FHIP1A: variants seen among roughly 807,000 people sequenced by gnomAD.
FHIP1A encodes the protein FHF complex subunit HOOK-interacting protein 1A.
A neutral mutation model predicts 88.6 loss-of-function variants in FHIP1A; 61 were observed. That is an observed-to-expected ratio of 0.69 (90% CI 0.56 to 0.85). FHIP1A has a LOEUF of 0.85. Ranked by LOEUF, FHIP1A falls within the 40% of genes least tolerant of loss-of-function variation. FHIP1A has a pLI of 0.00. For synonymous variants in FHIP1A, 478 were observed against 496.0 expected (o/e 0.96, Z 0.48); for missense variants, 1,154 against 1,273.5 (o/e 0.91, Z 1.43).
intron 4 of FHIP1A, among the ~76,000 whole-genome samples, chr4:151,576,027 G>A (rs755486181): frequency 6.6e-6 from 1 of 152,144 alleles, no homozygotes; most frequent in African/African-American, 2.4e-5. Flanking sequence ...AAAAATTATC[G>A]TATGTGTATA....
At chr4:151,465,405 A>G (rs1188448935) in intron 2 of FHIP1A, among the ~76,000 whole-genome samples, 1 of 152,222 alleles carries the variant, frequency 6.6e-6, no homozygotes, top group East Asian at 1.9e-4. Context: ...AAAAAAGCCC[A>G]GGATCAGACA....
chr4:151,634,469 A>T (rs1209590016), intron 8 of FHIP1A, among the ~76,000 whole-genome samples: 1 of 151,830 alleles, frequency 6.6e-6, no homozygotes, highest in Non-Finnish European at 1.5e-5. Flanking sequence ...ATATTGAAAA[A>T]GAAGGAAAAA....
At chr4:151,450,323 T>C (rs1158906268) in intron 1 of FHIP1A, among the ~76,000 whole-genome samples, 2 of 152,198 alleles carry the variant, frequency 1.3e-5, no homozygotes, top group Non-Finnish European at 2.9e-5. Flanking sequence ...ACTGTAAAGC[T>C]GTTTCCATTT....
At position 151,536,760 on chromosome 4, in the gene FHIP1A, C is replaced by T. The variant is rs540241369; in HGVS notation, c.-122-29378C>T. Among the ~76,000 whole-genome samples the T allele has an allele frequency of 2.1e-3, 314 of 152,328 alleles. 1 individual carries two copies. Among genetic ancestry groups the T allele is most frequent in the Non-Finnish European group, 3.1e-3 (210 of 68,034 alleles). ...TTTTTGGCTCTTAGAAATAAAACTA[C>T]TATGAACATTTGTATACGGGTTTTT... On this transcript the variant is annotated intron_variant, in intron 3 of 13. Coordinates refer to ENST00000435205, the MANE Select transcript of FHIP1A (RefSeq NM_001109977.3).
intron 1 of FHIP1A, among the ~76,000 whole-genome samples, chr4:151,410,036 C>T (rs1223133839): frequency 6.6e-6 from 1 of 152,174 alleles, no homozygotes; most frequent in Non-Finnish European, 1.5e-5. Context: ...TTTGTGTTTC[C>T]TCTGGCTCAA....
intron 3 of FHIP1A, among the ~76,000 whole-genome samples, chr4:151,488,491 A>G (rs28501688): frequency 0.11 from 16,135 of 152,272 alleles, 1,545 homozygotes; most frequent in South Asian, 0.28. Flanking sequence ...TAATGGCTGC[A>G]TAATATTCCA....
At chr4:151,641,053 T>C (rs1014216253) in intron 9 of FHIP1A, among the ~76,000 whole-genome samples, 2 of 150,814 alleles carry the variant, frequency 1.3e-5, no homozygotes, top group Non-Finnish European at 3.0e-5. Context: ...AATGGAATAA[T>C]GGAAAAAAAA....
chr4:151,480,234 A>G (rs555998612), intron 2 of FHIP1A, among the ~76,000 whole-genome samples: 2 of 152,190 alleles, frequency 1.3e-5, no homozygotes, highest in South Asian at 4.2e-4. Flanking sequence ...TGGCGGGATC[A>G]TGATGGTAAA....
Position 151,662,958 on chromosome 4 carries a change from C to A in FHIP1A, c.*204C>A. The A allele has an allele frequency of 2.1e-6, 1 of 468,410 alleles. No individual in the cohort carries two copies. The highest frequency in any genetic ancestry group is 3.6e-6 in the Non-Finnish European group (1 of 278,254). The allele number at this position is 468,410 out of a possible 1,614,324, so 29.0% of individuals were successfully genotyped here. On this transcript the variant is annotated 3_prime_UTR_variant, in exon 14 of 14. Coordinates refer to ENST00000435205, the MANE Select transcript of FHIP1A (RefSeq NM_001109977.3). Reference sequence around the variant, plus strand: ...CTTATGTTATATATAGAATGTAAGTCTCATAAGCTGGTTGCTCCCTTGGCA... The same window carrying A: ...CTTATGTTATATATAGAATGTAAGTATCATAAGCTGGTTGCTCCCTTGGCA...
chr4:151,665,050 T>C lies in FHIP1A; in HGVS notation c.*2296T>C, dbSNP rs1166474160. ...AGTGGAGTGGTGTGATCACAGCTCA[T>C]TGTAGCCTCAACCTCCTGGGCTCAA... On this transcript the variant is annotated 3_prime_UTR_variant, in exon 14 of 14. Coordinates refer to ENST00000435205, the MANE Select transcript of FHIP1A (RefSeq NM_001109977.3). Among the ~76,000 whole-genome samples the C allele has an allele frequency of 6.6e-6, 1 of 152,192 alleles. No homozygotes were observed. The highest frequency in any genetic ancestry group is 1.5e-5 in the Non-Finnish European group (1 of 68,032).
chr4:151,649,612 T>G lies in FHIP1A; in HGVS notation c.1571T>G (p.Leu524Arg), dbSNP rs928466686. The G allele has an allele frequency of 2.6e-6, 4 of 1,551,574 alleles. No homozygotes were observed. Among genetic ancestry groups the G allele is most frequent in the Middle Eastern group, 1.7e-4 (1 of 6,014 alleles). ...CMRDCRVWSA[L>R]YDGDSPDPEM... ...AGGGACTGCCGTGTCTGGTCCGCCC[T>G]GTATGATGGCGACTCCCCCGACCCT... Residue 524 changes from leucine to arginine, a missense_variant, in exon 11 of 14, where the codon CTG (leucine) becomes CGG (arginine). Transcript: ENST00000435205.
rs1737558330 is a variant in FHIP1A, at chr4:151,663,682, T to C, written c.*928T>C. 1.3e-5 allele frequency: 2 copies of C among 152,136 alleles called. No individual in the cohort carries two copies. The highest frequency in any genetic ancestry group is 4.1e-4 in the South Asian group (2 of 4,826). 9.4% of individuals were successfully genotyped at this position (152,136 alleles called of 1,614,324 possible). On this transcript the variant is annotated 3_prime_UTR_variant, in exon 14 of 14. Transcript: ENST00000435205. Reference sequence around the variant, plus strand: ...TTCAGGGAGGGTATGCTGGGTGGGATGGGGAGATAAACTAAATGCAGCCTG... The same window carrying C: ...TTCAGGGAGGGTATGCTGGGTGGGACGGGGAGATAAACTAAATGCAGCCTG...
chr4:151,456,425 T>C (rs1401133473), intron 2 of FHIP1A, among the ~76,000 whole-genome samples: 1 of 152,028 alleles, frequency 6.6e-6, no homozygotes, highest in African/African-American at 2.4e-5. Flanking sequence ...GTGAGGAGAG[T>C]TGGGCATTAA....
At chr4:151,608,646 T>C (rs759777814) in intron 7 of FHIP1A, among the ~76,000 whole-genome samples, 2 of 152,220 alleles carry the variant, frequency 1.3e-5, no homozygotes, top group Non-Finnish European at 1.5e-5. Context: ...GCTCCTTCGC[T>C]GAACTAGGAT....
chr4:151,588,685 T>C (rs1734310533), intron 6 of FHIP1A, among the ~76,000 whole-genome samples, 155 bp from the exon 7 acceptor site: 2 of 152,386 alleles, frequency 1.3e-5, no homozygotes, highest in South Asian at 4.1e-4. Context: ...AAGGCTTATA[T>C]GACAGTATGA....
intron 7 of FHIP1A, among the ~76,000 whole-genome samples, chr4:151,592,584 G>A (rs1391705505): frequency 6.6e-6 from 1 of 152,164 alleles, no homozygotes; most frequent in African/African-American, 2.4e-5. Context: ...AGAAATGTCT[G>A]TTCATAATCT....
At chr4:151,546,155 GTCTC>G (rs1213416786) in intron 3 of FHIP1A, among the ~76,000 whole-genome samples, 4 of 151,820 alleles carry the variant, frequency 2.6e-5, no homozygotes, top group Non-Finnish European at 4.4e-5. Flanking sequence ...TCCTCTCTCT[GTCTC>G]TCTCTCTCTC....
chr4:151,554,402 C>A (rs964431842), intron 3 of FHIP1A, among the ~76,000 whole-genome samples: 41 of 152,270 alleles, frequency 2.7e-4, no homozygotes, highest in African/African-American at 9.6e-4. Context: ...ACATGAATAA[C>A]ATAAAAATGT....
intron 3 of FHIP1A, among the ~76,000 whole-genome samples, chr4:151,558,155 A>G (rs981035991): frequency 6.6e-6 from 1 of 152,214 alleles, no homozygotes; most frequent in Admixed American, 6.5e-5. Context: ...GGTGCATAAT[A>G]ATATTTAGTT....
Sources: allele counts gnomAD v4.1 joint callset (sites outside exome capture counted in the v4.1 genomes callset), GRCh38; gene constraint gnomAD v4.1.1; transcripts MANE v1.5; gene names NCBI Gene and HGNC (gene_info 2026-07-23, HGNC 2026-07-21).